ZNF605: variants seen among roughly 807,000 people sequenced by gnomAD.
ZNF605 encodes the protein zinc finger protein 605.
In ZNF605, 9 loss-of-function variants were observed where a neutral mutation model predicts 7.9. That is an observed-to-expected ratio of 1.14 (90% CI 0.68 to 1.98). The LOEUF (loss-of-function observed/expected upper bound fraction) is 1.98, where lower values mean the gene tolerates loss of function less well. Ranked by LOEUF, ZNF605 falls within the 30% of genes most tolerant of loss-of-function variation. The pLI, the probability that ZNF605 is intolerant of heterozygous loss-of-function variation, is 0.00. For synonymous variants in ZNF605, 255 were observed against 260.1 expected, an observed-to-expected ratio of 0.98 and a Z score of 0.19; for missense variants, 673 against 762.4, an observed-to-expected ratio of 0.88 and a Z score of 1.38.
At position 132,933,221 on chromosome 12, in the gene ZNF605, C is replaced by A; in HGVS notation, c.16-66G>T. 1 of 1,528,746 alleles carries A rather than the reference C, an allele frequency of 6.5e-7. No homozygotes were observed. Among genetic ancestry groups the A allele is most frequent in the East Asian group, 2.3e-5 (1 of 43,826 alleles). 94.7% of individuals were successfully genotyped at this position (1,528,746 alleles called of 1,614,324 possible). Reference sequence around the variant, plus strand: ...ATTTGGTCTTGTAAAATACTTTCTTCTGTATTTGTGGTAGGTGGCCTCTAA... The same window carrying A: ...ATTTGGTCTTGTAAAATACTTTCTTATGTATTTGTGGTAGGTGGCCTCTAA... On this transcript the variant is annotated intron_variant, in intron 3 of 4. Coordinates refer to ENST00000360187, the MANE Select transcript of ZNF605 (RefSeq NM_183238.4). The surrounding 1 kb of genome is among the most constrained non-coding windows in gnomAD (Gnocchi z 4.4).
intron 3 of ZNF605, among the ~76,000 whole-genome samples, chr12:132,938,041 C>T (rs998479759): frequency 2.6e-5 from 4 of 152,208 alleles, no homozygotes; most frequent in Non-Finnish European, 5.9e-5. Flanking sequence ...AGTGCAGTGG[C>T]GCGATCTCGG....
At chr12:132,953,924 C>T (rs1222513980) in intron 1 of ZNF605, among the ~76,000 whole-genome samples, 4 of 152,016 alleles carry the variant, frequency 2.6e-5, no homozygotes, top group Non-Finnish European at 4.4e-5. Flanking sequence ...ACCTCACTGC[C>T]CACCCCATCA....
At position 132,925,175 on chromosome 12, in the gene ZNF605, G is replaced by A; in HGVS notation, c.*198C>T. The A allele has an allele frequency of 2.0e-6, 1 of 503,774 alleles. No individual in the cohort carries two copies. The highest frequency in any genetic ancestry group is 3.5e-6 in the Non-Finnish European group (1 of 288,142). The allele number at this position is 503,774 out of a possible 1,614,324, so 31.2% of individuals were successfully genotyped here. A position where few individuals can be genotyped will look rare whatever the true frequency, so the allele number is the denominator to read the frequency against. On this transcript the variant is annotated 3_prime_UTR_variant, in exon 5 of 5. Coordinates refer to ENST00000360187, the MANE Select transcript of ZNF605 (RefSeq NM_183238.4). The stretch of plus-strand genomic sequence containing the variant: ...AATATGTAACGAGTAGTGTCTTCTG[G>A]GAGATGACTTTTTTTACACTGTTTG...
chr12:132,920,711 C>A lies in ZNF605; in HGVS notation c.*4662G>T, dbSNP rs1011381589. ...TAAGAGGCAAGGTTTCACTCTGTCA[C>A]TCAGGCTGGAATGCAGTGGCCCCAT... On this transcript the variant is annotated 3_prime_UTR_variant, in exon 5 of 5. Transcript: ENST00000360187. 2 of 152,238 alleles carry A rather than the reference C, an allele frequency of 1.3e-5. No individual in the cohort carries two copies. The highest frequency in any genetic ancestry group is 4.8e-5 in the African/African-American group (2 of 41,454). The allele number at this position is 152,238 out of a possible 1,614,324, so 9.4% of individuals were successfully genotyped here.
At chr12:132,932,725 G>T in intron 4 of ZNF605, 1 of 1,533,414 alleles carries the variant, frequency 6.5e-7, no homozygotes, top group South Asian at 1.2e-5. Context: ...GAAAAGTTCT[G>T]ATTTAGGATT....
At chr12:132,932,991 G>A in intron 4 of ZNF605, 44 bp downstream of exon 4, 22 of 1,535,454 alleles carry the variant, frequency 1.4e-5, no homozygotes, top group Non-Finnish European at 1.9e-5. Flanking sequence ...CACCTCACAG[G>A]CCAGTTACTG....
rs752109368 is a variant in ZNF605 at position 132,925,557 on chromosome 12, C to A, written c.1742G>T (p.Arg581Ile). ...ATATGGTCTCTCTCCTGTATGAATTCTCTGATGTATAATCAGCTGTGCCTT... is the reference window on the plus strand; with the variant it reads ...ATATGGTCTCTCTCCTGTATGAATTATCTGATGTATAATCAGCTGTGCCTT... ...FEKAQLIIHQ[R>I]IHTGERPYKC... The change falls in exon 5 of 5, where the codon AGA (arginine) becomes ATA (isoleucine). Residue 581 changes from arginine (R) to isoleucine (I), a missense_variant. Coordinates refer to ENST00000360187, the MANE Select transcript of ZNF605 (RefSeq NM_183238.4). 2.2e-5 allele frequency: 35 copies of A among 1,614,066 alleles called. No homozygotes were observed. Among genetic ancestry groups the A allele is most frequent in the Non-Finnish European group, 3.0e-5 (35 of 1,180,044 alleles).
At chr12:132,944,771 C>G (rs1215138983) in intron 3 of ZNF605, 1 of 152,934 alleles carries the variant, frequency 6.5e-6, no homozygotes, top group Non-Finnish European at 1.5e-5. Context: ...TACCACTATG[C>G]CATGTATATG....
chr12:132,932,484 A>C (rs1252709525), intron 4 of ZNF605, among the ~76,000 whole-genome samples: 1 of 152,208 alleles, frequency 6.6e-6, no homozygotes, highest in East Asian at 1.9e-4. Context: ...GCCACTGAAT[A>C]AGAGGGATAC....
At chr12:132,940,191 T>C (rs533714750) in intron 3 of ZNF605, among the ~76,000 whole-genome samples, 2 of 152,302 alleles carry the variant, frequency 1.3e-5, no homozygotes, top group African/African-American at 4.8e-5. Flanking sequence ...AAGGCAAAGC[T>C]GTAGTGACAG....
chr12:132,930,016 T>C (rs918844352), intron 4 of ZNF605, among the ~76,000 whole-genome samples: 2 of 152,334 alleles, frequency 1.3e-5, no homozygotes, highest in East Asian at 1.9e-4. Flanking sequence ...AAGTAGTTTA[T>C]GTACAGGCTT....
Position 132,921,703 on chromosome 12 carries a change from G to T in ZNF605, c.*3670C>A, listed in dbSNP as rs1425428820. 1 of 152,220 alleles carries T rather than the reference G, an allele frequency of 6.6e-6. No homozygotes were observed. Among genetic ancestry groups the T allele is most frequent in the East Asian group, 1.9e-4 (1 of 5,206 alleles). The allele number at this position is 152,220 out of a possible 1,614,324, so 9.4% of individuals were successfully genotyped here. A position where few individuals can be genotyped will look rare whatever the true frequency, so the allele number is the denominator to read the frequency against. On this transcript the variant is annotated 3_prime_UTR_variant, in exon 5 of 5. Coordinates refer to ENST00000360187, the MANE Select transcript of ZNF605 (RefSeq NM_183238.4). ...AAACATGTATAAAAATCTTCGAAAT[G>T]CAGGTTAAAATGCAAATCCAAGTGA...
rs1952241912 is a variant in ZNF605, at chr12:132,925,925, G to A, written c.1374C>T (p.Phe458=). The part of the protein sequence containing the change: ...PYECSECGKA[F]TQKSSLISHQ... ...GTGATATCAGGCTTGACTTCTGGGT[G>A]AAGGCCTTCCCACACTCACTGCATT... Residue 458 remains phenylalanine (F), a synonymous_variant, in exon 5 of 5, where the codon TTC becomes TTT. Coordinates refer to ENST00000360187, the MANE Select transcript of ZNF605 (RefSeq NM_183238.4). 2 of 1,614,138 alleles carry A rather than the reference G, an allele frequency of 1.2e-6. No individual in the cohort carries two copies. The highest frequency in any genetic ancestry group is 1.7e-6 in the Non-Finnish European group (2 of 1,180,012).
In ZNF605 at chr12:132,926,196, T is replaced by C; in HGVS notation, c.1103A>G (p.Asn368Ser). The change falls in exon 5 of 5, where the codon AAC becomes AGC. Residue 368 changes from asparagine to serine, a missense_variant. Coordinates refer to ENST00000360187, the MANE Select transcript of ZNF605 (RefSeq NM_183238.4). ...TCTGATGAAGGCTTCACCACATTCG[T>C]TGCATTCGTAGGGCTTCTCTCCTGT... ...IHTGEKPYEC[N>S]ECGEAFIRKP... The C allele has an allele frequency of 6.2e-7, 1 of 1,614,156 alleles. No homozygotes were observed. Among genetic ancestry groups the C allele is most frequent in the Non-Finnish European group, 8.5e-7 (1 of 1,180,028 alleles).
At chr12:132,931,690 T>C (rs950251989) in intron 4 of ZNF605, among the ~76,000 whole-genome samples, 1 of 152,004 alleles carries the variant, frequency 6.6e-6, no homozygotes, top group Non-Finnish European at 1.5e-5. Context: ...GAAAAATAAG[T>C]GGAGAGATAA....
At chr12:132,927,959 A>G (rs1036154335) in intron 4 of ZNF605, among the ~76,000 whole-genome samples, 3 of 152,172 alleles carry the variant, frequency 2.0e-5, no homozygotes, top group Non-Finnish European at 4.4e-5. Flanking sequence ...CTGGCTAAAT[A>G]CATGAACTTT....
chr12:132,947,018 G>T lies in ZNF605; in HGVS notation c.-163+1130C>A, dbSNP rs200044842. Among the ~76,000 whole-genome samples the T allele has an allele frequency of 3.1e-4, 22 of 70,104 alleles. 1 individual carries two copies. Among genetic ancestry groups the T allele is most frequent in the East Asian group, 6.2e-4 (1 of 1,602 alleles). The allele number at this position is 70,104 out of a possible 152,430, so 46.0% of individuals were successfully genotyped here. Reference sequence around the variant, plus strand: ...GAGATTCACCCCCTTGTTTTTTTTTGGTTTTTTTTTTGAGGCAGAGTTTCG... The same window carrying T: ...GAGATTCACCCCCTTGTTTTTTTTTTGTTTTTTTTTTGAGGCAGAGTTTCG... On this transcript the variant is annotated intron_variant, in intron 2 of 4. Transcript: ENST00000360187.
At chr12:132,951,084 C>A (rs938138062) in intron 1 of ZNF605, among the ~76,000 whole-genome samples, 1 of 151,440 alleles carries the variant, frequency 6.6e-6, no homozygotes, top group Non-Finnish European at 1.5e-5. Context: ...CACACTGATA[C>A]GTACATCACG....
At chr12:132,937,917 T>A (rs1952384525) in intron 3 of ZNF605, among the ~76,000 whole-genome samples, 1 of 152,218 alleles carries the variant, frequency 6.6e-6, no homozygotes, top group South Asian at 2.1e-4. Flanking sequence ...TGAATGAATC[T>A]CAAAGGTATG....
Sources: gnomAD v4.1 joint callset for allele counts (sites outside exome capture counted in the v4.1 genomes callset) on GRCh38, gnomAD v4.1.1 for gene constraint, Gnocchi (gnomAD v3.1) non-coding constraint, MANE v1.5 for transcripts, NCBI Gene and HGNC (gene_info 2026-07-23, HGNC 2026-07-21) for gene names.